OCA2: variants seen among roughly 807,000 people sequenced by gnomAD.
The protein encoded by OCA2 is P protein.
OCA2 carries 77 observed loss-of-function variants against 100.2 expected under a neutral mutation model. The ratio of observed to expected loss-of-function variants is 0.77; its 90% CI spans 0.64 to 0.93. The LOEUF (loss-of-function observed/expected upper bound fraction) is 0.93. Among genes scored for constraint, OCA2 ranks in the 40% least tolerant of loss-of-function variants. The probability of loss-of-function intolerance (pLI) is 0.00; values close to 1 mark genes in which losing one functional copy is unlikely to be tolerated. For missense variants in OCA2, 1,062 were observed against 1,089.1 expected, an observed-to-expected ratio of 0.98 and a Z score of 0.35; for synonymous variants, 432 against 439.2, an observed-to-expected ratio of 0.98 and a Z score of 0.21.
chr15:27,757,519 T>A (rs1181071879), intron 23 of OCA2, among the ~76,000 whole-genome samples: 4 of 152,238 alleles, frequency 2.6e-5, no homozygotes, highest in African/African-American at 9.6e-5. Flanking sequence ...AATATTCTTC[T>A]GGCTTCAAAA....
intron 23 of OCA2, among the ~76,000 whole-genome samples, chr15:27,788,444 G>T (rs527307159): frequency 6.6e-6 from 1 of 152,030 alleles, no homozygotes; most frequent in Non-Finnish European, 1.5e-5. Flanking sequence ...GTGCTAGGAG[G>T]ACATTTGTCT....
chr15:27,997,197 G>C lies in OCA2; in HGVS notation c.1045-6550C>G, dbSNP rs985082600. 2.1e-5 allele frequency among the ~76,000 whole-genome samples: 3 copies of C among 140,052 alleles called. No individual in the cohort carries two copies. In the Admixed American group the frequency reaches 2.2e-4, roughly 10 times the overall value. 91.9% of individuals were successfully genotyped at this position (140,052 alleles called of 152,430 possible). A position where few individuals can be genotyped will look rare whatever the true frequency, so the allele number is the denominator to read the frequency against. ...AAGGAGAGAGAAAGAAAAGAAGAGA[G>C]GAAAGGATATAAAGGAAAGGAAAGA... On this transcript the variant is annotated intron_variant, in intron 9 of 23. Transcript: ENST00000354638.
chr15:28,091,289 G>C (rs1454174967), intron 1 of OCA2, among the ~76,000 whole-genome samples: 4 of 152,070 alleles, frequency 2.6e-5, no homozygotes, highest in Non-Finnish European at 5.9e-5. Flanking sequence ...CCAGAAAATA[G>C]AAAATGAGGT....
intron 19 of OCA2, among the ~76,000 whole-genome samples, chr15:27,890,930 C>T (rs1024791638): frequency 6.6e-6 from 1 of 151,550 alleles, no homozygotes; most frequent in African/African-American, 2.4e-5. Context: ...GAAGCTGAGG[C>T]AGGAAAATCA....
chr15:27,928,182 G>T (rs2039114466), intron 18 of OCA2, among the ~76,000 whole-genome samples: 1 of 151,832 alleles, frequency 6.6e-6, no homozygotes, highest in Admixed American at 6.6e-5. Flanking sequence ...TTCCTTACTG[G>T]TTAGAGCAAA....
chr15:27,859,375 A>G (rs2036050920), intron 21 of OCA2, among the ~76,000 whole-genome samples: 1 of 152,170 alleles, frequency 6.6e-6, no homozygotes, highest in Admixed American at 6.5e-5. Flanking sequence ...AAAGGATTAT[A>G]AAAGAAAACT....
intron 23 of OCA2, among the ~76,000 whole-genome samples, chr15:27,804,443 G>A (rs2033741139): frequency 6.6e-6 from 1 of 152,146 alleles, no homozygotes; most frequent in Non-Finnish European, 1.5e-5. Flanking sequence ...AAGTTGCCCA[G>A]TTTGTGAAGT....
chr15:27,790,035 AT>A (rs2033007065), intron 23 of OCA2, among the ~76,000 whole-genome samples: 1 of 151,998 alleles, frequency 6.6e-6, no homozygotes, highest in African/African-American at 2.4e-5. Flanking sequence ...CAAATCAAAG[AT>A]GACAAAGGAC....
chr15:27,764,049 G>C (rs896224622), intron 23 of OCA2, among the ~76,000 whole-genome samples: 2 of 151,468 alleles, frequency 1.3e-5, no homozygotes, highest in African/African-American at 4.9e-5. Flanking sequence ...AGGGAAGGGA[G>C]AGGGAGAGAT....
At chr15:27,862,442 A>G (rs1483087147) in intron 21 of OCA2, among the ~76,000 whole-genome samples, 5 of 152,176 alleles carry the variant, frequency 3.3e-5, no homozygotes, top group African/African-American at 1.2e-4. Context: ...GCCCAGCGCC[A>G]AAGAACTTTG....
chr15:28,030,714 C>A (rs2141370058), intron 3 of OCA2, among the ~76,000 whole-genome samples: 1 of 152,324 alleles, frequency 6.6e-6, no homozygotes, highest in African/African-American at 2.4e-5. Flanking sequence ...GAAGAAGACA[C>A]AGCAGCCCTC....
intron 19 of OCA2, among the ~76,000 whole-genome samples, chr15:27,906,040 C>G (rs2038163738): frequency 6.6e-6 from 1 of 152,124 alleles, no homozygotes; most frequent in Non-Finnish European, 1.5e-5. Context: ...CAAGTTTTCT[C>G]AGAAATAAGG....
At chr15:27,924,251 T>G (rs2038967579) in intron 19 of OCA2, among the ~76,000 whole-genome samples, 1 of 152,154 alleles carries the variant, frequency 6.6e-6, no homozygotes, top group Non-Finnish European at 1.5e-5. Context: ...TTTTTTTCAA[T>G]ATTTCTAAGC....
chr15:28,079,538 C>T (rs548617495), intron 2 of OCA2, among the ~76,000 whole-genome samples: 4 of 152,120 alleles, frequency 2.6e-5, no homozygotes, highest in East Asian at 1.9e-4. Flanking sequence ...GCCCTTCCCC[C>T]GAGAGCCCGC....
chr15:28,090,756 T>C (rs971537656), intron 1 of OCA2, among the ~76,000 whole-genome samples: 10 of 152,028 alleles, frequency 6.6e-5, no homozygotes, highest in African/African-American at 2.2e-4. Flanking sequence ...TCAAAAATAA[T>C]ATAAGCTCTC....
chr15:27,878,830 A>G (rs962921415), intron 19 of OCA2, among the ~76,000 whole-genome samples: 2 of 151,976 alleles, frequency 1.3e-5, no homozygotes, highest in Non-Finnish European at 2.9e-5. Flanking sequence ...ATTGTTTTTA[A>G]TATTTCAAAA....
chr15:28,048,904 G>A (rs753807376), intron 2 of OCA2, among the ~76,000 whole-genome samples: 26 of 152,196 alleles, frequency 1.7e-4, no homozygotes, highest in Non-Finnish European at 2.9e-4. Context: ...TATTTGAGAC[G>A]CTGAGGAGGA....
chr15:27,832,008 A>G (rs1049786077), intron 23 of OCA2, among the ~76,000 whole-genome samples: 4 of 142,360 alleles, frequency 2.8e-5, no homozygotes, highest in African/African-American at 1.1e-4. Context: ...AGCATTCACC[A>G]CCCCCTGCTC....
intron 14 of OCA2, 73 bp from the exon 15 acceptor site, chr15:27,966,895 C>T (rs2140827633): frequency 4.0e-6 from 6 of 1,506,082 alleles, no homozygotes; most frequent in East Asian, 2.4e-5. Flanking sequence ...CAGCACTTTC[C>T]GAGGTGGGTG....
Sources: gnomAD v4.1 joint callset for allele counts (sites outside exome capture counted in the v4.1 genomes callset) on GRCh38, gnomAD v4.1.1 for gene constraint, MANE v1.5 for transcripts, NCBI Gene and HGNC (gene_info 2026-07-23, HGNC 2026-07-21) for gene names.